KCNC2: variants seen among roughly 807,000 people sequenced by gnomAD.
KCNC2 encodes the protein potassium voltage-gated channel subfamily C member 2, also known as voltage-gated potassium channel KCNC2.
A neutral mutation model predicts 44.5 loss-of-function variants in KCNC2; 21 were observed. The ratio of observed to expected loss-of-function variants is 0.47; its 90% confidence interval spans 0.33 to 0.68. The LOEUF is 0.68. Among genes scored for constraint, KCNC2 ranks in the 30% least tolerant of loss-of-function variants. KCNC2 has a pLI of 0.01. For missense variants in KCNC2, 589 were observed against 826.2 expected, an observed-to-expected ratio of 0.71 and a Z score of 3.52; for synonymous variants, 391 against 339.1, an observed-to-expected ratio of 1.15 and a Z score of -1.68.
intron 2 of KCNC2, among the ~76,000 whole-genome samples, chr12:75,058,822 A>T (rs891457623): frequency 5.9e-5 from 9 of 152,042 alleles, no homozygotes; most frequent in Non-Finnish European, 1.5e-5. Flanking sequence ...GCCAATTTCC[A>T]TCCAGCTATG....
At chr12:75,113,722 ATATAGG>A (rs1243501283) in intron 2 of KCNC2, among the ~76,000 whole-genome samples, 8 of 152,276 alleles carry the variant, frequency 5.3e-5, no homozygotes, top group African/African-American at 1.9e-4. Context: ...CAAGCTCACA[ATATAGG>A]TAGAGAAACA....
intron 2 of KCNC2, among the ~76,000 whole-genome samples, chr12:75,147,859 T>A (rs1166854302): frequency 4.6e-5 from 7 of 152,132 alleles, no homozygotes; most frequent in Non-Finnish European, 1.0e-4. Context: ...CTGGAAGATA[T>A]TTCTGGGGCA....
At chr12:75,063,521 G>T (rs1366868281) in intron 2 of KCNC2, among the ~76,000 whole-genome samples, 1 of 151,954 alleles carries the variant, frequency 6.6e-6, no homozygotes, top group African/African-American at 2.4e-5. Context: ...ATATAAAAAA[G>T]GTTTTCAATG....
chr12:75,058,993 C>A (rs1250552280), intron 2 of KCNC2, among the ~76,000 whole-genome samples: 5 of 152,014 alleles, frequency 3.3e-5, no homozygotes, highest in Non-Finnish European at 4.4e-5. Flanking sequence ...TACACTCCAG[C>A]AGGTGTTCCT....
intron 1 of KCNC2, 62 bp from the exon 2 acceptor site, chr12:75,208,064 C>T: frequency 1.9e-6 from 3 of 1,580,656 alleles, no homozygotes; most frequent in Non-Finnish European, 2.6e-6. Context: ...ACACCATGAC[C>T]CCCACCACCA....
chr12:75,120,387 C>T (rs1887969133), intron 2 of KCNC2, among the ~76,000 whole-genome samples: 1 of 152,192 alleles, frequency 6.6e-6, no homozygotes, highest in Non-Finnish European at 1.5e-5. Flanking sequence ...TGCTGGCATA[C>T]CACAACCCTA....
In KCNC2 at chr12:75,207,224, G is replaced by A; in HGVS notation, c.687+73C>T. On this transcript the variant is annotated intron_variant, in intron 2 of 4. Transcript: ENST00000549446. The surrounding 1 kb of genome is among the most constrained non-coding windows in gnomAD (Gnocchi z 4.1). ...CCCCCATGCCTGAGGCCCTGGGGTG[G>A]AAAAGAACAGAAAGTTGGGGAGGGA... The A allele has an allele frequency of 6.7e-7, 1 of 1,495,046 alleles. No individual in the cohort carries two copies. The highest frequency in any genetic ancestry group is 8.9e-7 in the Non-Finnish European group (1 of 1,123,956). The allele number at this position is 1,495,046 out of a possible 1,614,324, so 92.6% of individuals were successfully genotyped here.
chr12:75,046,371 T>C (rs1258888369), intron 4 of KCNC2, among the ~76,000 whole-genome samples: 1 of 151,806 alleles, frequency 6.6e-6, no homozygotes. Flanking sequence ...TGCAAAGCTT[T>C]TTCTCATTCG....
chr12:75,102,788 C>T (rs1476449061), intron 2 of KCNC2, among the ~76,000 whole-genome samples: 2 of 151,852 alleles, frequency 1.3e-5, no homozygotes, highest in African/African-American at 4.8e-5. Flanking sequence ...TTAGAGAGTG[C>T]CACTGCCCAT....
chr12:75,087,959 A>G (rs951899833), intron 2 of KCNC2, among the ~76,000 whole-genome samples: 1 of 151,688 alleles, frequency 6.6e-6, no homozygotes, highest in Non-Finnish European at 1.5e-5. Flanking sequence ...CCCAAGTGAC[A>G]GAATCATACA....
At chr12:75,182,522 A>G in intron 2 of KCNC2, among the ~76,000 whole-genome samples, 1 of 50,938 alleles carries the variant, frequency 2.0e-5, no homozygotes, top group African/African-American at 2.4e-4. Flanking sequence ...TTCCGTCTCA[A>G]AAAAAAAAAA....
intron 2 of KCNC2, among the ~76,000 whole-genome samples, chr12:75,145,019 A>AT: frequency 6.6e-6 from 1 of 152,304 alleles, no homozygotes; most frequent in South Asian, 2.1e-4. Context: ...CATTGAGGAT[A>AT]TTTTAGACCT....
At position 75,100,349 on chromosome 12, in the gene KCNC2, T is replaced by C. The variant is rs200070607; in HGVS notation, c.688-49032A>G. On this transcript the variant is annotated intron_variant, in intron 2 of 4. Coordinates refer to ENST00000549446, the MANE Select transcript of KCNC2 (RefSeq NM_139137.4). ...TTATATGAAAATAATACTAAATGGA[T>C]GTCAGGAGACCTAACTCCTTATTAT... Among the ~76,000 whole-genome samples the C allele has an allele frequency of 5.3e-5, 8 of 152,214 alleles. No individual in the cohort carries two copies. The East Asian group carries it at 1.5e-3, about 29-fold the overall frequency.
chr12:75,186,432 A>C lies in KCNC2; in HGVS notation c.687+20865T>G, dbSNP rs529151151. The stretch of plus-strand genomic sequence containing the variant: ...ATATGCATTTTTCCATGTTACTAAT[A>C]CTCTTTTCATAAATATTTTTCAGAA... On this transcript the variant is annotated intron_variant, in intron 2 of 4. Transcript: ENST00000549446. Among the ~76,000 whole-genome samples, 12 of 151,682 alleles carry C rather than the reference A, an allele frequency of 7.9e-5. No homozygotes were observed. In the East Asian group the frequency reaches 2.3e-3, roughly 29 times the overall value.
chr12:75,165,744 C>T (rs1891406628), intron 2 of KCNC2, among the ~76,000 whole-genome samples: 1 of 151,356 alleles, frequency 6.6e-6, no homozygotes, highest in African/African-American at 2.4e-5. Context: ...TTTTTCTTAA[C>T]AGTAAATTGT....
At chr12:75,156,895 G>T (rs947382708) in intron 2 of KCNC2, among the ~76,000 whole-genome samples, 2 of 151,816 alleles carry the variant, frequency 1.3e-5, no homozygotes, top group African/African-American at 4.8e-5. Flanking sequence ...AAAGAAGCTA[G>T]TGTATTTATG....
At chr12:75,117,284 G>GA (rs1887730096) in intron 2 of KCNC2, among the ~76,000 whole-genome samples, 1 of 152,054 alleles carries the variant, frequency 6.6e-6, no homozygotes, top group South Asian at 2.1e-4. Flanking sequence ...AGAAAATCTG[G>GA]AAAAAATACA....
intron 2 of KCNC2, among the ~76,000 whole-genome samples, chr12:75,064,768 T>A (rs935131308): frequency 6.6e-6 from 1 of 152,088 alleles, no homozygotes; most frequent in Admixed American, 6.6e-5. Flanking sequence ...TGAGAGAGTA[T>A]GTTGTTTTTA....
At chr12:75,089,162 A>G (rs1885269227) in intron 2 of KCNC2, among the ~76,000 whole-genome samples, 2 of 151,894 alleles carry the variant, frequency 1.3e-5, no homozygotes, top group South Asian at 4.1e-4. Context: ...TTAATTACTA[A>G]AGAAAAAATG....
Sources: allele counts gnomAD v4.1 joint callset (sites outside exome capture counted in the v4.1 genomes callset), GRCh38; gene constraint gnomAD v4.1.1; non-coding constraint Gnocchi (gnomAD v3.1); transcripts MANE v1.5; gene names NCBI Gene and HGNC (gene_info 2026-07-23, HGNC 2026-07-21).